CHAF1A: variants seen among roughly 807,000 people sequenced by gnomAD.
CHAF1A encodes CAF-1 subunit A.
In CHAF1A, 5 loss-of-function variants were observed where a neutral mutation model predicts 93.2. The ratio of observed to expected loss-of-function variants is 0.05; its 90% CI spans 0.03 to 0.11. The LOEUF (loss-of-function observed/expected upper bound fraction) is 0.11. CHAF1A is among the 10% of genes least tolerant of loss of function. The pLI is 1.00. For synonymous variants in CHAF1A, 504 were observed against 510.3 expected (o/e 0.99, Z 0.17); for missense variants, 1,102 against 1,259.9 (o/e 0.87, Z 1.90).
Position 4,439,086 on chromosome 19 carries a change from C to G in CHAF1A, c.2674-3159C>G, listed in dbSNP as rs151011079. ...ACTTGAGAGGCCAGGAGTTCAAGACCAGCCTGGCCGACATGGTGAAACCCC... is the reference window on the plus strand; with the variant it reads ...ACTTGAGAGGCCAGGAGTTCAAGACGAGCCTGGCCGACATGGTGAAACCCC... On this transcript the variant is annotated intron_variant, in intron 13 of 14. Transcript: ENST00000301280. 5.0e-3 allele frequency among the ~76,000 whole-genome samples: 759 copies of G among 152,144 alleles called. 10 individuals are homozygous for G. The highest frequency in any genetic ancestry group is 6.0e-3 in the South Asian group (29 of 4,822).
At chr19:4,414,633 G>A (rs1973866440) in intron 3 of CHAF1A, among the ~76,000 whole-genome samples, 6 of 152,182 alleles carry the variant, frequency 3.9e-5, no homozygotes, top group Admixed American at 3.9e-4. Context: ...GGGATGGAAA[G>A]ATGGAGCTCT....
Position 4,435,314 on chromosome 19 carries a change from G to A in CHAF1A, c.2673+1775G>A, listed in dbSNP as rs980032910. ...ACCGTGGTCTCAATCTCCTGACCTC[G>A]TGATCCGCCCGCCTTAGCCTTCCAA... On this transcript the variant is annotated intron_variant, in intron 13 of 14. Coordinates refer to ENST00000301280, the MANE Select transcript of CHAF1A (RefSeq NM_005483.3). 4.6e-5 allele frequency among the ~76,000 whole-genome samples: 7 copies of A among 151,502 alleles called. No homozygotes were observed. The East Asian group carries it at 9.8e-4, about 21-fold the overall frequency.
intron 2 of CHAF1A, among the ~76,000 whole-genome samples, chr19:4,407,904 C>T (rs556973442): frequency 5.3e-5 from 8 of 151,714 alleles, no homozygotes; most frequent in African/African-American, 1.5e-4. Flanking sequence ...GCTGAGGTGG[C>T]GCCATTGCAC....
the CHAF1A span, chr19:4,450,197 C>T: frequency 1.4e-5 from 2 of 148,102 alleles, no homozygotes; most frequent in East Asian, 3.9e-4. Flanking sequence ...TGCACTCCAG[C>T]CTGGTGACAG....
chr19:4,403,887 G>A (rs954883067), intron 1 of CHAF1A, among the ~76,000 whole-genome samples: 22 of 152,194 alleles, frequency 1.4e-4, no homozygotes, highest in Admixed American at 9.2e-4. Context: ...ACTGAGTCTT[G>A]CTCTGTTGCC....
chr19:4,433,681 A>C lies in CHAF1A; in HGVS notation c.2673+142A>C. On this transcript the variant is annotated intron_variant, in intron 13 of 14. Transcript: ENST00000301280. The surrounding 1 kb of genome is among the most constrained non-coding windows in gnomAD (Gnocchi z 5.6). ...AGTGGCGCAATCTCAGCTCACTGCAACCTCCTCCCTCCTGGGTTCAAGTGA... is the reference window on the plus strand; with the variant it reads ...AGTGGCGCAATCTCAGCTCACTGCACCCTCCTCCCTCCTGGGTTCAAGTGA... 3.1e-6 allele frequency: 2 copies of C among 648,346 alleles called. No individual in the cohort carries two copies. The highest frequency in any genetic ancestry group is 2.8e-5 in the East Asian group (1 of 35,662). The allele number at this position is 648,346 out of a possible 1,614,324, so 40.2% of individuals were successfully genotyped here.
At chr19:4,435,527 G>A (rs1318778338) in intron 13 of CHAF1A, among the ~76,000 whole-genome samples, 2 of 152,014 alleles carry the variant, frequency 1.3e-5, no homozygotes, top group Admixed American at 1.3e-4. Flanking sequence ...ACAGGTGCAT[G>A]CCACCACACC....
intron 3 of CHAF1A, among the ~76,000 whole-genome samples, chr19:4,413,143 G>C (rs1280636726): frequency 6.6e-6 from 1 of 151,944 alleles, no homozygotes; most frequent in Non-Finnish European, 1.5e-5. Context: ...CGTGATCTTG[G>C]CTCCTGCAAC....
intron 11 of CHAF1A, 141 bp from the exon 12 acceptor site, chr19:4,431,811 C>A: frequency 9.9e-7 from 1 of 1,005,468 alleles, no homozygotes; most frequent in Non-Finnish European, 1.5e-6. Flanking sequence ...GTGCTCTGCC[C>A]TGGCCCTGAC....
chr19:4,417,491 C>T (rs1973915366), intron 3 of CHAF1A, among the ~76,000 whole-genome samples: 1 of 132,020 alleles, frequency 7.6e-6, no homozygotes, highest in African/African-American at 2.7e-5. Flanking sequence ...GACAGAGTCT[C>T]ACCCTGTTGC....
chr19:4,445,490 CT>C (rs1319218638), downstream of CHAF1A: 1 of 1,613,788 alleles, frequency 6.2e-7, no homozygotes, highest in Admixed American at 1.7e-5. Flanking sequence ...GCCAACCCTG[CT>C]TTTATTTCAC....
At chr19:4,403,469 C>G (rs779863254) in intron 1 of CHAF1A, among the ~76,000 whole-genome samples, 6 of 152,248 alleles carry the variant, frequency 3.9e-5, no homozygotes, top group Non-Finnish European at 5.9e-5. Context: ...CATTACATAA[C>G]GCTTTGGCAG....
chr19:4,415,305 G>A (rs2145087391), intron 3 of CHAF1A, among the ~76,000 whole-genome samples: 1 of 152,282 alleles, frequency 6.6e-6, no homozygotes, highest in Middle Eastern at 3.4e-3. Flanking sequence ...TAATTGCTCT[G>A]TTTTGGTTGT....
Position 4,409,421 on chromosome 19 carries a change from C to CCGGAGCTGA in CHAF1A, c.625_633dup (p.Glu209_Thr211dup). ...CCAGGAATGTTCGCCACGGAGCTGC[C>CCGGAGCTGA]CGGAGCTGACGAGTGGCCCGAGAAT... On this transcript the variant is annotated inframe_insertion, in exon 3 of 15. Coordinates refer to ENST00000301280, the MANE Select transcript of CHAF1A (RefSeq NM_005483.3). The CCGGAGCTGA allele has an allele frequency of 6.2e-7, 1 of 1,614,084 alleles. No homozygotes were observed. Among genetic ancestry groups the CCGGAGCTGA allele is most frequent in the Non-Finnish European group, 8.5e-7 (1 of 1,180,016 alleles).
intron 13 of CHAF1A, among the ~76,000 whole-genome samples, chr19:4,436,657 C>T (rs1321167698): frequency 6.6e-6 from 1 of 152,172 alleles, no homozygotes; most frequent in South Asian, 2.1e-4. Context: ...CCCCTGGGAA[C>T]CCCTGTGTCC....
At chr19:4,446,345 C>G (rs760674587), downstream of CHAF1A, 2 of 1,570,118 alleles carry the variant, frequency 1.3e-6, no homozygotes, top group Non-Finnish European at 1.7e-6. Context: ...CTTGCGCAGC[C>G]CCCGCTGCTC....
chr19:4,439,768 C>T (rs1974352665), intron 13 of CHAF1A, among the ~76,000 whole-genome samples: 1 of 152,240 alleles, frequency 6.6e-6, no homozygotes, highest in Admixed American at 6.5e-5. Context: ...GTAGGCCAGG[C>T]TCAGTGGCTC....
intron 8 of CHAF1A, chr19:4,429,117 A>G (rs1974135991): frequency 1.7e-6 from 1 of 591,508 alleles, no homozygotes; most frequent in Non-Finnish European, 3.0e-6. Flanking sequence ...GAGGAATCTT[A>G]TTTCCCTGCT....
At chr19:4,445,911 G>T, downstream of CHAF1A, 2 of 1,377,046 alleles carry the variant, frequency 1.5e-6, no homozygotes, top group Non-Finnish European at 1.9e-6. Context: ...AAGTGGGAAA[G>T]CAGGATTCAA....
Sources: allele counts gnomAD v4.1 joint callset (sites outside exome capture counted in the v4.1 genomes callset), GRCh38; gene constraint gnomAD v4.1.1; non-coding constraint Gnocchi (gnomAD v3.1); transcripts MANE v1.5; gene names NCBI Gene and HGNC (gene_info 2026-07-23, HGNC 2026-07-21).